Variants in PRKAR1A observed in about 807,000 individuals in gnomAD.
The protein encoded by PRKAR1A is protein kinase cAMP-dependent type I regulatory subunit alpha.
In PRKAR1A, 3 loss-of-function variants were observed where a neutral mutation model predicts 52.0. The ratio of observed to expected loss-of-function variants is 0.06; its 90% CI spans 0.03 to 0.15. The LOEUF is 0.15. PRKAR1A is among the 10% of genes least tolerant of loss of function. The probability of loss-of-function intolerance (pLI) is 1.00; values close to 1 mark genes in which losing one functional copy is unlikely to be tolerated. For missense variants in PRKAR1A, 240 were observed against 477.4 expected (o/e 0.50, Z 4.63); for synonymous variants, 188 against 168.4 (o/e 1.12, Z -0.90).
intron 11 of PRKAR1A, chr17:68,541,040 C>T (rs1376046624): frequency 6.5e-6 from 10 of 1,543,348 alleles, no homozygotes; most frequent in Middle Eastern, 2.3e-4. Flanking sequence ...CCCCTGCCCC[C>T]CCAATCCCTG....
chr17:68,519,849 A>G (rs1008658362), intron 2 of PRKAR1A, among the ~76,000 whole-genome samples: 5 of 152,234 alleles, frequency 3.3e-5, no homozygotes, highest in Non-Finnish European at 5.9e-5. Flanking sequence ...CTTTATATAC[A>G]TAAATACTCG....
the PRKAR1A span, among the ~76,000 whole-genome samples, chr17:68,441,692 C>T: frequency 2.6e-5 from 4 of 152,130 alleles, no homozygotes; most frequent in Admixed American, 1.3e-4. Flanking sequence ...ATGGACAGGG[C>T]GGACCCACCT....
At chr17:68,454,642 A>G in the PRKAR1A span, among the ~76,000 whole-genome samples, 1 of 152,234 alleles carries the variant, frequency 6.6e-6, no homozygotes, top group African/African-American at 2.4e-5. Flanking sequence ...GTAAGCCCAG[A>G]GCATCTTAAA....
chr17:68,442,424 C>T, the PRKAR1A span, among the ~76,000 whole-genome samples: 1 of 149,696 alleles, frequency 6.7e-6, no homozygotes, highest in Non-Finnish European at 1.5e-5. Context: ...GAGATTGCAC[C>T]ACCTCACTCC....
At chr17:68,510,159 C>CAGAGAGAGAGAGAGAGAGAGAGAG (rs35144524), upstream of PRKAR1A, among the ~76,000 whole-genome samples, 1,104 of 127,478 alleles carry the variant, frequency 8.7e-3, 41 homozygotes, top group Non-Finnish European at 0.013. Flanking sequence ...TATATGTAGA[C>CAGAGAGAGAGAGAGAGAGAGAGAG]AGAGAGAGAG....
chr17:68,527,532 A>G, intron 7 of PRKAR1A: 2 of 360,724 alleles, frequency 5.5e-6, no homozygotes, highest in Non-Finnish European at 1.1e-5. Flanking sequence ...AGGCTCAGGT[A>G]TAAACCGGTA....
In PRKAR1A at chr17:68,529,969, A is replaced by G. The variant is rs1199251597; in HGVS notation, c.941A>G (p.Glu314Gly). ...CGGTCAGAAAATGAAGAGTTTGTTG[A>G]AGTGGGAAGATTGGGGCCTTCTGAT... ...QRRSENEEFV[E>G]VGRLGPSDYF... is the part of the protein sequence containing the mutation. Residue 314 changes from glutamate (E) to glycine (G), a missense_variant, in exon 10 of 11, where the codon GAA becomes GGA. By Grantham distance (98) the Glu-to-Gly change is moderately conservative. This residue lies in a region of PRKAR1A where 107 missense variants were observed against 290.9 expected (regional missense o/e 0.37). Coordinates refer to ENST00000589228, the MANE Select transcript of PRKAR1A (RefSeq NM_002734.5). 1 of 1,614,000 alleles carries G rather than the reference A, an allele frequency of 6.2e-7. No homozygotes were observed. The highest frequency in any genetic ancestry group is 8.5e-7 in the Non-Finnish European group (1 of 1,179,988).
the PRKAR1A span, chr17:68,435,539 G>C: frequency 1.5e-6 from 2 of 1,372,504 alleles, no homozygotes; most frequent in Non-Finnish European, 1.0e-6. Flanking sequence ...CATGTCACCA[G>C]GTTTGTTCAA....
chr17:68,425,272 G>C, the PRKAR1A span, among the ~76,000 whole-genome samples: 1 of 152,172 alleles, frequency 6.6e-6, no homozygotes, highest in African/African-American at 2.4e-5. Flanking sequence ...GGCACAATCA[G>C]AGCTCACTGC....
intron 11 of PRKAR1A, among the ~76,000 whole-genome samples, chr17:68,548,209 C>A (rs1162463595): frequency 6.6e-6 from 1 of 152,160 alleles, no homozygotes; most frequent in Non-Finnish European, 1.5e-5. Context: ...GCCTGGCCAA[C>A]ACAGTGAAAC....
intron 11 of PRKAR1A, chr17:68,539,324 C>T: frequency 6.2e-7 from 1 of 1,614,070 alleles, no homozygotes; most frequent in Non-Finnish European, 8.5e-7. Flanking sequence ...TTATCTGCTG[C>T]AGGAAAACTT....
the PRKAR1A span, chr17:68,450,895 C>T: frequency 3.7e-6 from 6 of 1,611,098 alleles, no homozygotes; most frequent in Admixed American, 8.4e-5. Context: ...TCCGGGATTT[C>T]ATCTGGGAGG....
chr17:68,489,367 T>C, the PRKAR1A span, among the ~76,000 whole-genome samples: 2 of 107,332 alleles, frequency 1.9e-5, 1 homozygote, highest in African/African-American at 7.8e-5. Flanking sequence ...ATGGAAAGTA[T>C]ATATATATAT....
chr17:68,463,705 G>A, the PRKAR1A span, among the ~76,000 whole-genome samples: 5 of 152,184 alleles, frequency 3.3e-5, no homozygotes, highest in African/African-American at 4.8e-5. Flanking sequence ...AGAAAAGGGA[G>A]CAGGTTATGC....
chr17:68,548,728 T>A (rs1397677022), intron 11 of PRKAR1A, among the ~76,000 whole-genome samples: 34 of 130,546 alleles, frequency 2.6e-4, no homozygotes, highest in African/African-American at 8.9e-4. Context: ...CCTGTATATT[T>A]TTTTTTTTTT....
chr17:68,541,954 A>T (rs2086316508), intron 11 of PRKAR1A: 2 of 1,605,598 alleles, frequency 1.2e-6, no homozygotes, highest in Non-Finnish European at 1.7e-6. Context: ...ACTGTCAAGG[A>T]CTGGGCTGTG....
In PRKAR1A at chr17:68,532,935, G is replaced by A; in HGVS notation, c.*2486G>A. ...AGTGCTTTTCAGTTTGTCAAAGAGTGGATCTCAAAATCTTGCTTAAAGGGT... is the reference window on the plus strand; with the variant it reads ...AGTGCTTTTCAGTTTGTCAAAGAGTAGATCTCAAAATCTTGCTTAAAGGGT... On this transcript the variant is annotated 3_prime_UTR_variant, in exon 11 of 11. Transcript: ENST00000589228. 2 of 1,065,768 alleles carry A rather than the reference G, an allele frequency of 1.9e-6. No individual in the cohort carries two copies. Among genetic ancestry groups the A allele is most frequent in the Non-Finnish European group, 2.3e-6 (2 of 879,680 alleles). The allele number at this position is 1,065,768 out of a possible 1,614,324, so 66.0% of individuals were successfully genotyped here. A position where few individuals can be genotyped will look rare whatever the true frequency, so the allele number is the denominator to read the frequency against.
chr17:68,442,114 A>G, the PRKAR1A span, among the ~76,000 whole-genome samples: 13 of 152,324 alleles, frequency 8.5e-5, no homozygotes. Flanking sequence ...GCAGAAAGTA[A>G]GGCAACCAGT....
chr17:68,445,597 C>G, the PRKAR1A span, among the ~76,000 whole-genome samples: 10 of 152,198 alleles, frequency 6.6e-5, no homozygotes, highest in African/African-American at 2.4e-4. Flanking sequence ...GCTGCCAGAC[C>G]CTTCTCTTCC....
Sources: allele counts gnomAD v4.1 joint callset (sites outside exome capture counted in the v4.1 genomes callset), GRCh38; gene constraint gnomAD v4.1.1; regional missense constraint gnomAD v4.1.1; transcripts MANE v1.5; gene names NCBI Gene and HGNC (gene_info 2026-07-23, HGNC 2026-07-21).